The following ZNF451 variants were observed in gnomAD, a reference collection of about 807,000 sequenced individuals.
ZNF451 encodes the protein zinc finger protein 451, also known as E3 SUMO-protein ligase ZNF451.
A neutral mutation model predicts 107.1 loss-of-function variants in ZNF451; 80 were observed. The observed-to-expected ratio is 0.75, with a 90% CI of 0.62 to 0.90. The LOEUF is 0.90. Ranked by LOEUF, ZNF451 falls within the 40% of genes least tolerant of loss-of-function variation. The pLI is 0.00. For missense variants in ZNF451, 1,107 were observed against 1,236.2 expected (o/e 0.90, Z 1.57); for synonymous variants, 362 against 406.5 (o/e 0.89, Z 1.32).
intron 3 of ZNF451, chr6:57,100,544 A>T: frequency 1.4e-6 from 2 of 1,438,722 alleles, no homozygotes; most frequent in Non-Finnish European, 1.8e-6. Context: ...TTGAAAGTTA[A>T]CATATTAAAA....
At chr6:57,138,704 CATATATATATATATATATATAT>C (rs60629541) in intron 7 of ZNF451, among the ~76,000 whole-genome samples, 4 of 43,778 alleles carry the variant, frequency 9.1e-5, no homozygotes, top group Non-Finnish European at 1.5e-4. Context: ...GCAGCTATGC[CATATATATATATATATATATAT>C]ATATATATAT....
intron 13 of ZNF451, chr6:57,158,372 TG>T (rs1242336694): frequency 1.1e-4 from 38 of 346,484 alleles, no homozygotes; most frequent in Non-Finnish European, 1.5e-4. Flanking sequence ...TTTTTTTTTT[TG>T]TCAGAAGAAA....
chr6:57,138,243 G>T (rs1831533810), intron 7 of ZNF451, among the ~76,000 whole-genome samples: 2 of 150,546 alleles, frequency 1.3e-5, no homozygotes, highest in African/African-American at 4.9e-5. Flanking sequence ...TCTAGTGGGT[G>T]TGAAATGGTA....
At chr6:57,108,954 C>T in intron 3 of ZNF451, 1 of 985,390 alleles carries the variant, frequency 1.0e-6, no homozygotes, top group Non-Finnish European at 1.2e-6. Context: ...ACTAGGCTGC[C>T]TCCATGTGTT....
At chr6:57,128,205 TG>T (rs36044351) in intron 4 of ZNF451, among the ~76,000 whole-genome samples, 1 of 152,170 alleles carries the variant, frequency 6.6e-6, no homozygotes, top group African/African-American at 2.4e-5. Context: ...AGATTAAATA[TG>T]GAAAATTTGA....
At chr6:57,104,122 C>T (rs1829734672) in intron 3 of ZNF451, 2 of 983,980 alleles carry the variant, frequency 2.0e-6, no homozygotes, top group South Asian at 4.7e-5. Flanking sequence ...ATTTTATTTC[C>T]ACTTCTGTAG....
chr6:57,104,386 C>T, intron 3 of ZNF451: 1 of 985,372 alleles, frequency 1.0e-6, no homozygotes, highest in Non-Finnish European at 1.2e-6. Context: ...GTGTTTCTGA[C>T]TAGCTAAGGC....
Position 57,129,429 on chromosome 6 carries a change from T to A in ZNF451, c.424+589T>A, listed in dbSNP as rs188786029. Among the ~76,000 whole-genome samples, 4 of 152,264 alleles carry A rather than the reference T, an allele frequency of 2.6e-5. No homozygotes were observed. In the East Asian group the frequency reaches 5.8e-4, roughly 22 times the overall value. ...AGTAGGAGAGTCCCACCATGACAAC[T>A]TTCCTGTCTTGTCTTGAAGAATATC... On this transcript the variant is annotated intron_variant, in intron 5 of 14. Coordinates refer to ENST00000370706, the MANE Select transcript of ZNF451 (RefSeq NM_001031623.3).
chr6:57,165,491 C>A (rs957163940), intron 14 of ZNF451: 11 of 152,170 alleles, frequency 7.2e-5, no homozygotes, highest in Non-Finnish European at 1.6e-4. Context: ...AAGACACACA[C>A]TGGATAATTT....
intron 3 of ZNF451, among the ~76,000 whole-genome samples, chr6:57,109,976 A>G (rs954050753): frequency 1.3e-5 from 2 of 152,238 alleles, no homozygotes; most frequent in African/African-American, 4.8e-5. Flanking sequence ...AGAAATAAAT[A>G]CCACTAAAGT....
rs529020409 is a variant in ZNF451 at position 57,141,423 on chromosome 6, A to G, written c.824A>G (p.Lys275Arg). The G allele has an allele frequency of 3.7e-6, 6 of 1,612,792 alleles. 1 individual carries two copies. The South Asian group carries it at 6.6e-5, about 18-fold the overall frequency. The change falls in exon 8 of 15, where the codon AAG becomes AGG. Residue 275 changes from lysine (K) to arginine (R), a missense_variant. By Grantham distance (26) the Lys-to-Arg change is conservative (BLOSUM62 2). Coordinates refer to ENST00000370706, the MANE Select transcript of ZNF451 (RefSeq NM_001031623.3). ...KEECSKHMSG[K>R]NHFHQSFKLG... ...GAGTGTTCAAAGCATATGTCTGGAA[A>G]GAATCATTTCCATCAGAGTTTCAAA... is the stretch of plus-strand genomic sequence containing the variant.
intron 2 of ZNF451, among the ~76,000 whole-genome samples, chr6:57,096,616 G>C (rs1416868717): frequency 8.0e-6 from 1 of 125,398 alleles, no homozygotes; most frequent in Non-Finnish European, 1.7e-5. Flanking sequence ...CGGGGGGGTA[G>C]GGGGGCGCTT....
chr6:57,102,244 G>C, intron 3 of ZNF451: 1 of 1,378,580 alleles, frequency 7.3e-7, no homozygotes, highest in Non-Finnish European at 9.3e-7. Flanking sequence ...TTGAATTCTA[G>C]ACTTTTGAAA....
chr6:57,162,916 A>T (rs953836715), intron 14 of ZNF451, among the ~76,000 whole-genome samples: 2 of 152,198 alleles, frequency 1.3e-5, no homozygotes, highest in African/African-American at 4.8e-5. Flanking sequence ...GATTCAAGAG[A>T]AGACACTTTA....
At chr6:57,161,857 C>A (rs1763688515) in intron 14 of ZNF451, among the ~76,000 whole-genome samples, 1 of 151,726 alleles carries the variant, frequency 6.6e-6, no homozygotes, top group Non-Finnish European at 1.5e-5. Context: ...ACTAACACGC[C>A]CAGCTAAAAA....
At chr6:57,154,692 T>TA (rs1300551646) in intron 13 of ZNF451, 1 of 152,376 alleles carries the variant, frequency 6.6e-6, no homozygotes, top group African/African-American at 2.4e-5. Context: ...TCAAATGCTC[T>TA]ACCACTGAGT....
At chr6:57,106,610 AAT>A in intron 3 of ZNF451, 2 of 765,160 alleles carry the variant, frequency 2.6e-6, no homozygotes, top group Non-Finnish European at 3.2e-6. Flanking sequence ...CTGGCTGTGA[AAT>A]TTTTTTTTTT....
chr6:57,092,592 A>T (rs1052023979), intron 2 of ZNF451, among the ~76,000 whole-genome samples: 3 of 152,228 alleles, frequency 2.0e-5, no homozygotes, highest in African/African-American at 7.2e-5. Context: ...ATTTCAAAAT[A>T]TATTCAGAGA....
intron 3 of ZNF451, chr6:57,103,478 T>A: frequency 1.0e-6 from 1 of 985,438 alleles, no homozygotes; most frequent in Non-Finnish European, 1.2e-6. Context: ...AGCAGATACC[T>A]CAATTATATG....
Sources: gnomAD v4.1 joint callset for allele counts (sites outside exome capture counted in the v4.1 genomes callset) on GRCh38, gnomAD v4.1.1 for gene constraint, MANE v1.5 for transcripts, NCBI Gene and HGNC (gene_info 2026-07-23, HGNC 2026-07-21) for gene names.